The following FOXO3B variants were observed in gnomAD, a reference collection of about 807,000 sequenced individuals.
FOXO3B encodes forkhead box O3B, also known as forkhead box protein O3B.
A neutral mutation model predicts 21.9 loss-of-function variants in FOXO3B; 15 were observed. The observed-to-expected ratio is 0.68, with a 90% CI of 0.46 to 1.05. FOXO3B has a LOEUF of 1.05. Among genes scored for constraint, FOXO3B ranks in the 50% least tolerant of loss-of-function variants. The pLI is 0.00. For missense variants in FOXO3B, 293 were observed against 435.5 expected, an observed-to-expected ratio of 0.67 and a Z score of 2.91; for synonymous variants, 135 against 213.6, an observed-to-expected ratio of 0.63 and a Z score of 3.21.
chr17:18,671,668 C>T lies in FOXO3B; in HGVS notation c.*641G>A. 1.9e-6 allele frequency: 3 copies of T among 1,613,852 alleles called. No homozygotes were observed. The highest frequency in any genetic ancestry group is 2.5e-6 in the Non-Finnish European group (3 of 1,180,012). ...CTGGTTGGGGAGCTCAGGCCCGAGC[C>T]CTTGGTGGTATACGGGAAGCTAGAA... On this transcript the variant is annotated 3_prime_UTR_variant, in exon 4 of 4. Transcript: ENST00000395675.
At chr17:18,678,154 GAGGAAACAATAAAGCAC>G (rs1450691563) in intron 3 of FOXO3B, among the ~76,000 whole-genome samples, 2 of 152,010 alleles carry the variant, frequency 1.3e-5, no homozygotes, top group Non-Finnish European at 2.9e-5. Flanking sequence ...AACTACAAAA[GAGGAAACAATAAAGCAC>G]AGGAAACAGA....
chr17:18,674,718 C>T (rs2032452567), intron 3 of FOXO3B, among the ~76,000 whole-genome samples: 1 of 151,538 alleles, frequency 6.6e-6, no homozygotes. Context: ...GAACGACAAC[C>T]ACCATTTAGA....
intron 3 of FOXO3B, 113 bp from the exon 4 acceptor site, chr17:18,673,168 C>A: frequency 7.8e-7 from 1 of 1,287,162 alleles, no homozygotes; most frequent in Non-Finnish European, 9.9e-7. Context: ...GCGCCCGCCT[C>A]CCAGGAACAG....
In FOXO3B at chr17:18,673,022, T is replaced by G; in HGVS notation, c.160A>C (p.Ser54Arg). The G allele has an allele frequency of 2.1e-6, 3 of 1,459,414 alleles. No individual in the cohort carries two copies. Among genetic ancestry groups the G allele is most frequent in the Non-Finnish European group, 2.7e-6 (3 of 1,113,310 alleles). 90.4% of individuals were successfully genotyped at this position (1,459,414 alleles called of 1,614,324 possible). ...GGAGGGACGTGGACGCCGCGAAGGC[T>G]CCGGCTCCCGGGCGCCGCCGCCGCC... ...AAAAAAPGSRSLRGVHVPPPL... is the reference protein window; with the variant it reads ...AAAAAAPGSRRLRGVHVPPPL... The change falls in exon 4 of 4, where the codon AGC (serine) becomes CGC (arginine). Residue 54 changes from serine (S) to arginine (R), a missense_variant. Ser to Arg is a moderately radical substitution (Grantham distance 110, BLOSUM62 -1). Transcript: ENST00000395675.
At chr17:18,674,373 C>A (rs2032439528) in intron 3 of FOXO3B, among the ~76,000 whole-genome samples, 1 of 150,856 alleles carries the variant, frequency 6.6e-6, no homozygotes, top group African/African-American at 2.4e-5. Context: ...CGCCTGTAAT[C>A]CCAGCACTTT....
rs1484653414 is a variant in FOXO3B at position 18,671,375 on chromosome 17, C to A, written c.*934G>T. 5 of 1,613,754 alleles carry A rather than the reference C, an allele frequency of 3.1e-6. No individual in the cohort carries two copies. The highest frequency in any genetic ancestry group is 4.2e-6 in the Non-Finnish European group (5 of 1,179,842). On this transcript the variant is annotated 3_prime_UTR_variant, in exon 4 of 4. Transcript: ENST00000395675. Reference sequence around the variant, plus strand: ...CCTGGTTAGGCTGGGCAGCAAAGGACATCATCGGATCATTGCGAAGCATCA... The same window carrying A: ...CCTGGTTAGGCTGGGCAGCAAAGGAAATCATCGGATCATTGCGAAGCATCA...
At position 18,672,159 on chromosome 17, in the gene FOXO3B, A is replaced by C; in HGVS notation, c.*150T>G. ...CACGGCTCTTGGTATACTTGTTGCTATTGTCCATGGAGACAGCCCGCCGCC... is the reference window on the plus strand; with the variant it reads ...CACGGCTCTTGGTATACTTGTTGCTCTTGTCCATGGAGACAGCCCGCCGCC... On this transcript the variant is annotated 3_prime_UTR_variant, in exon 4 of 4. Coordinates refer to ENST00000395675, the MANE Select transcript of FOXO3B (RefSeq NM_001368135.1). The surrounding 1 kb of genome is among the most constrained non-coding windows in gnomAD (Gnocchi z 4.2). The C allele has an allele frequency of 6.2e-7, 1 of 1,612,598 alleles. No individual in the cohort carries two copies. Among genetic ancestry groups the C allele is most frequent in the Non-Finnish European group, 8.5e-7 (1 of 1,179,270 alleles).
At chr17:18,674,468 A>G (rs565213098) in intron 3 of FOXO3B, among the ~76,000 whole-genome samples, 22 of 149,946 alleles carry the variant, frequency 1.5e-4, no homozygotes, top group African/African-American at 5.4e-4. Flanking sequence ...TACTAAAAAT[A>G]CAAAAAAATT....
chr17:18,672,289 T>C lies in FOXO3B; in HGVS notation c.*20A>G, dbSNP rs2151734702. 6 of 1,612,112 alleles carry C rather than the reference T, an allele frequency of 3.7e-6. No individual in the cohort carries two copies. In the South Asian group the frequency reaches 4.4e-5, roughly 12 times the overall value. On this transcript the variant is annotated 3_prime_UTR_variant, in exon 4 of 4. Coordinates refer to ENST00000395675, the MANE Select transcript of FOXO3B (RefSeq NM_001368135.1). The surrounding 1 kb of genome is among the most constrained non-coding windows in gnomAD (Gnocchi z 4.2). ...CATGAATCGACTATGCAGTGACAGG[T>C]TGTGCCGGATGGAGTTCTTCTAGCC...
Position 18,672,503 on chromosome 17 carries a change from C to A in FOXO3B, c.679G>T (p.Gly227Trp), listed in dbSNP as rs1200580737. Residue 227 changes from glycine (G) to tryptophan (W), a missense_variant, in exon 4 of 4, where the codon GGG becomes TGG. Physicochemically the swap from Gly to Trp is radical, Grantham distance 184. This residue lies in a region of FOXO3B where 251 missense variants were observed against 404.0 expected (regional missense o/e 0.62). Coordinates refer to ENST00000395675, the MANE Select transcript of FOXO3B (RefSeq NM_001368135.1). The surrounding 1 kb of genome is among the most constrained non-coding windows in gnomAD (Gnocchi z 4.2). The part of the protein sequence containing the change: ...PLPPPQPGAA[G>W]GSGQPRKCSS... The stretch of plus-strand genomic sequence containing the variant: ...CATTTCCTCGGCTGCCCGGAGCCCC[C>A]AGCCGCCCCCGGCTGCGGCGGTGGC... The A allele has an allele frequency of 6.5e-7, 1 of 1,530,966 alleles. No individual in the cohort carries two copies. The highest frequency in any genetic ancestry group is 2.4e-5 in the East Asian group (1 of 41,056). 94.8% of individuals were successfully genotyped at this position (1,530,966 alleles called of 1,614,324 possible).
rs1471117327 is a variant in FOXO3B, at chr17:18,670,239, G to A, written c.*2070C>T. On this transcript the variant is annotated 3_prime_UTR_variant, in exon 4 of 4. Transcript: ENST00000395675. The stretch of plus-strand genomic sequence containing the variant: ...GCATGGTTCAGTCCTGGACGGGTGC[G>A]CATAGCAAACAATTGTGCCATTGTT... Among the ~76,000 whole-genome samples the A allele has an allele frequency of 6.6e-6, 1 of 152,152 alleles. No homozygotes were observed. Among genetic ancestry groups the A allele is most frequent in the Non-Finnish European group, 1.5e-5 (1 of 68,024 alleles).
chr17:18,677,707 A>G, intron 3 of FOXO3B: 1 of 1,600,174 alleles, frequency 6.2e-7, no homozygotes, highest in East Asian at 2.2e-5. Flanking sequence ...CGCGATAAGA[A>G]GCTGGCGGCC....
In FOXO3B at chr17:18,671,811, C is replaced by T; in HGVS notation, c.*498G>A. ...CATCATTCAGATTCATGGTGCCTGC[C>T]ATGTCAGTCAGCCGTAGCAGTTCCA... On this transcript the variant is annotated 3_prime_UTR_variant, in exon 4 of 4. Coordinates refer to ENST00000395675, the MANE Select transcript of FOXO3B (RefSeq NM_001368135.1). 6.4e-7 allele frequency: 1 copy of T among 1,572,666 alleles called. No homozygotes were observed. Among genetic ancestry groups the T allele is most frequent in the Non-Finnish European group, 8.7e-7 (1 of 1,143,806 alleles).
rs1458840296 is a variant in FOXO3B at position 18,672,916 on chromosome 17, G to T, written c.266C>A (p.Ala89Glu). The change falls in exon 4 of 4, where the codon GCA becomes GAA. Residue 89 changes from alanine to glutamate, a missense_variant. Physicochemically the swap from Ala to Glu is moderately radical, Grantham distance 107. Coordinates refer to ENST00000395675, the MANE Select transcript of FOXO3B (RefSeq NM_001368135.1). The surrounding 1 kb of genome is among the most constrained non-coding windows in gnomAD (Gnocchi z 4.2). ...AAGRAAKMAE[A>E]PASPAPLSPL... ...AGAAAGCGGGGCCGGGGAAGCCGGT[G>T]CCTCTGCCATCTTCGCCGCCCGCCC... is the stretch of plus-strand genomic sequence containing the variant. 1.9e-6 allele frequency: 3 copies of T among 1,545,136 alleles called. No homozygotes were observed. Among genetic ancestry groups the T allele is most frequent in the African/African-American group, 1.4e-5 (1 of 71,694 alleles).
Position 18,672,206 on chromosome 17 carries a change from C to T in FOXO3B, c.*103G>A, listed in dbSNP as rs1308514841. The T allele has an allele frequency of 1.3e-5, 21 of 1,613,522 alleles. No individual in the cohort carries two copies. The highest frequency in any genetic ancestry group is 1.7e-5 in the Non-Finnish European group (20 of 1,179,588). Reference sequence around the variant, plus strand: ...CGCCGGGGGGCTTTTCCGCTCTTCCCCCCATCAGGGTTGATGATCCACCAA... The same window carrying T: ...CGCCGGGGGGCTTTTCCGCTCTTCCTCCCATCAGGGTTGATGATCCACCAA... On this transcript the variant is annotated 3_prime_UTR_variant, in exon 4 of 4. Coordinates refer to ENST00000395675, the MANE Select transcript of FOXO3B (RefSeq NM_001368135.1). The surrounding 1 kb of genome is among the most constrained non-coding windows in gnomAD (Gnocchi z 4.2).
chr17:18,672,384 G>A lies in FOXO3B; in HGVS notation c.798C>T (p.Ser266=). Residue 266 remains serine (S), a synonymous_variant, in exon 4 of 4, where the codon TCC becomes TCT. Transcript: ENST00000395675. This position sits in a 1 kb window ranked among gnomAD's most constrained non-coding sequence, Gnocchi z 4.2. Reference sequence around the variant, plus strand: ...AACTCACCATCCACTCGTAGATCTGGGACAGAGTGAGCCGTCTGTCCGGGG... The same window carrying A: ...AACTCACCATCCACTCGTAGATCTGAGACAGAGTGAGCCGTCTGTCCGGGG... ...ESSPDRRLTL[S]QIYEWMVSCV... 2 of 1,613,384 alleles carry A rather than the reference G, an allele frequency of 1.2e-6. No individual in the cohort carries two copies. Among genetic ancestry groups the A allele is most frequent in the Non-Finnish European group, 1.7e-6 (2 of 1,179,624 alleles).
At chr17:18,675,280 T>C (rs975577172) in intron 3 of FOXO3B, among the ~76,000 whole-genome samples, 9 of 151,968 alleles carry the variant, frequency 5.9e-5, no homozygotes, top group African/African-American at 2.2e-4. Flanking sequence ...AAAAAGATTA[T>C]AAAAAATTAA....
intron 3 of FOXO3B, among the ~76,000 whole-genome samples, chr17:18,677,911 C>CAAAAAAAAA (rs57669387): frequency 2.0e-3 from 181 of 92,438 alleles, no homozygotes; most frequent in East Asian, 2.8e-3. Flanking sequence ...GTTGGAAAAG[C>CAAAAAAAAA]AAAAAAAAAA....
In FOXO3B at chr17:18,672,888, C is replaced by T. The variant is rs1307888518; in HGVS notation, c.294G>A (p.Pro98=). The change falls in exon 4 of 4, where the codon CCG becomes CCA. Residue 98 remains proline, a synonymous_variant. Coordinates refer to ENST00000395675, the MANE Select transcript of FOXO3B (RefSeq NM_001368135.1). This position sits in a 1 kb window ranked among gnomAD's most constrained non-coding sequence, Gnocchi z 4.2. ...ACTCCGGGTCCAGCTCCACTTCGAG[C>T]GGAGAAAGCGGGGCCGGGGAAGCCG... is the stretch of plus-strand genomic sequence containing the variant. ...EAPASPAPLS[P]LEVELDPEFE... is the part of the protein sequence containing the mutation. 8.3e-6 allele frequency: 13 copies of T among 1,560,612 alleles called. No individual in the cohort carries two copies. Among genetic ancestry groups the T allele is most frequent in the Non-Finnish European group, 1.0e-5 (12 of 1,155,422 alleles).
Sources: allele counts gnomAD v4.1 joint callset (sites outside exome capture counted in the v4.1 genomes callset), GRCh38; gene constraint gnomAD v4.1.1; regional missense constraint gnomAD v4.1.1; non-coding constraint Gnocchi (gnomAD v3.1); transcripts MANE v1.5; gene names NCBI Gene and HGNC (gene_info 2026-07-23, HGNC 2026-07-21).